LAMA2: variants seen among roughly 807,000 people sequenced by gnomAD.
The protein encoded by LAMA2 is laminin subunit alpha 2, also known as laminin subunit alpha-2.
Under a neutral mutation model 364.8 loss-of-function variants are expected in LAMA2, and 269 were observed. The observed-to-expected ratio is 0.74, with a 90% CI of 0.67 to 0.82. LAMA2 has a LOEUF of 0.82. Ranked by LOEUF, LAMA2 falls within the 40% of genes least tolerant of loss-of-function variation. LAMA2 has a pLI of 0.00. For missense variants in LAMA2, 3,807 were observed against 3,873.2 expected (o/e 0.98, Z 0.45); for synonymous variants, 1,379 against 1,370.6 (o/e 1.01, Z -0.14).
chr6:128,916,338 G>T (rs1320590191), intron 1 of LAMA2, among the ~76,000 whole-genome samples: 1 of 152,260 alleles, frequency 6.6e-6, no homozygotes, highest in African/African-American at 2.4e-5. Context: ...ATTCCCATTT[G>T]TTGGGTTGGT....
At chr6:129,167,553 G>A (rs6923376) in intron 9 of LAMA2, among the ~76,000 whole-genome samples, 51,622 of 151,524 alleles carry the variant, frequency 0.34, 12,653 homozygotes, top group African/African-American at 0.7. Flanking sequence ...TCTTAATCCA[G>A]TCTATCATTG....
chr6:129,133,207 T>C (rs1407725541), intron 4 of LAMA2, among the ~76,000 whole-genome samples: 1 of 152,240 alleles, frequency 6.6e-6, no homozygotes, highest in Non-Finnish European at 1.5e-5. Context: ...AAATTCCTTG[T>C]GCAATGAGAA....
chr6:128,978,220 C>T lies in LAMA2; in HGVS notation c.113-71698C>T, dbSNP rs533383249. 4.6e-5 allele frequency among the ~76,000 whole-genome samples: 7 copies of T among 152,072 alleles called. 1 individual carries two copies. Among genetic ancestry groups the T allele is most frequent in the South Asian group, 4.1e-4 (2 of 4,826 alleles). ...AATATTTGTAATGAATCATTGAGGT[C>T]GCTTGTGAATAGTTGAAACTTCCAA... On this transcript the variant is annotated intron_variant, in intron 1 of 64. Coordinates refer to ENST00000421865, the MANE Select transcript of LAMA2 (RefSeq NM_000426.4).
intron 1 of LAMA2, among the ~76,000 whole-genome samples, chr6:129,035,354 A>T (rs1786559973): frequency 1.7e-5 from 2 of 120,906 alleles, no homozygotes; most frequent in Non-Finnish European, 1.8e-5. Flanking sequence ...CTTTTAATGG[A>T]GCTATTTGTT....
At chr6:129,231,584 T>C (rs1247146291) in intron 12 of LAMA2, among the ~76,000 whole-genome samples, 1 of 152,162 alleles carries the variant, frequency 6.6e-6, no homozygotes, top group Non-Finnish European at 1.5e-5. Flanking sequence ...TCCATTCATG[T>C]TGACATTGAA....
chr6:129,349,149 C>A (rs1776719688), intron 30 of LAMA2, 149 bp from the exon 31 acceptor site: 2 of 664,486 alleles, frequency 3.0e-6, no homozygotes, highest in Admixed American at 2.1e-5. Flanking sequence ...GACGTCCTAG[C>A]CTTAAATAAG....
intron 8 of LAMA2, 71 bp downstream of exon 8, chr6:129,154,754 A>C (rs1238206164): frequency 5.6e-6 from 7 of 1,256,582 alleles, no homozygotes; most frequent in Non-Finnish European, 8.0e-6. Flanking sequence ...TTATACAAAA[A>C]AATAATAATT....
At chr6:129,273,809 A>G (rs935985206) in intron 17 of LAMA2, among the ~76,000 whole-genome samples, 3 of 152,078 alleles carry the variant, frequency 2.0e-5, no homozygotes, top group Non-Finnish European at 4.4e-5. Flanking sequence ...CATATAACAC[A>G]GTGATAACAA....
chr6:128,994,738 CA>C (rs1279721607), intron 1 of LAMA2, among the ~76,000 whole-genome samples: 4 of 152,072 alleles, frequency 2.6e-5, no homozygotes, highest in Non-Finnish European at 5.9e-5. Context: ...AAGCAGGTAT[CA>C]TGTAGAATAA....
At chr6:128,883,815 CACACACACACACACACACACAT>C (rs1418529701) in intron 1 of LAMA2, among the ~76,000 whole-genome samples, 2 of 142,840 alleles carry the variant, frequency 1.4e-5, no homozygotes, top group African/African-American at 5.5e-5. Flanking sequence ...CACACACACA[CACACACACACACACACACACAT>C]ATATATATAT....
rs1023858250 is a variant in LAMA2, at chr6:129,442,183, T to A, written c.6269-880T>A. ...TATGCCATAAAATTCAAATGCTGTT[T>A]GAGTGGGGAATGGAGCCTGATTTCA... On this transcript the variant is annotated intron_variant, in intron 43 of 64. Transcript: ENST00000421865. The A allele has an allele frequency of 3.8e-6, 5 of 1,316,314 alleles. No individual in the cohort carries two copies. In the African/African-American group the frequency reaches 6.0e-5, roughly 16 times the overall value. 81.5% of individuals were successfully genotyped at this position (1,316,314 alleles called of 1,614,324 possible).
intron 44 of LAMA2, among the ~76,000 whole-genome samples, chr6:129,444,493 A>C (rs1782271056): frequency 6.6e-6 from 1 of 152,222 alleles, no homozygotes; most frequent in African/African-American, 2.4e-5. Context: ...TTCTATCCAG[A>C]TAACATGCAT....
At chr6:128,926,020 T>C (rs1341504211) in intron 1 of LAMA2, among the ~76,000 whole-genome samples, 1 of 152,192 alleles carries the variant, frequency 6.6e-6, no homozygotes, top group East Asian at 1.9e-4. Flanking sequence ...CAATGAGCCA[T>C]TCTATTCTCA....
intron 1 of LAMA2, among the ~76,000 whole-genome samples, chr6:128,886,130 T>A (rs1776136655): frequency 6.6e-6 from 1 of 152,128 alleles, no homozygotes; most frequent in East Asian, 1.9e-4. Context: ...GGTAATGGCT[T>A]GATGGAAAAT....
chr6:129,048,304 C>G (rs913640072), intron 1 of LAMA2, among the ~76,000 whole-genome samples: 4 of 151,996 alleles, frequency 2.6e-5, no homozygotes, highest in Non-Finnish European at 5.9e-5. Flanking sequence ...ATGTGCCAAG[C>G]TTTGAGGATA....
intron 45 of LAMA2, among the ~76,000 whole-genome samples, chr6:129,452,383 T>A (rs1782722252): frequency 6.6e-6 from 1 of 152,192 alleles, no homozygotes; most frequent in Admixed American, 6.5e-5. Context: ...TTGGAAATTA[T>A]TTCCATTTCA....
At chr6:129,148,434 A>G (rs965653241) in intron 6 of LAMA2, among the ~76,000 whole-genome samples, 5 of 152,050 alleles carry the variant, frequency 3.3e-5, no homozygotes, top group African/African-American at 1.2e-4. Context: ...TGTACAGATG[A>G]TCAGTGTTTC....
At chr6:129,445,523 A>G in intron 44 of LAMA2, 144 bp from the exon 45 acceptor site, 1 of 697,786 alleles carries the variant, frequency 1.4e-6, no homozygotes, top group South Asian at 1.7e-5. Flanking sequence ...GACATTTGCC[A>G]TCACACATTT....
intron 1 of LAMA2, among the ~76,000 whole-genome samples, chr6:128,912,928 A>G (rs1022915492): frequency 3.3e-5 from 5 of 152,150 alleles, no homozygotes; most frequent in Admixed American, 2.0e-4. Context: ...GGAGGAGGGA[A>G]TGGTGGGCTG....
Sources: gnomAD v4.1 joint callset for allele counts (sites outside exome capture counted in the v4.1 genomes callset) on GRCh38, gnomAD v4.1.1 for gene constraint, MANE v1.5 for transcripts, NCBI Gene and HGNC (gene_info 2026-07-23, HGNC 2026-07-21) for gene names.